The following MYMX variants were observed in gnomAD, a reference collection of about 807,000 sequenced individuals.
MYMX encodes myomixer, myoblast fusion factor.
chr6:44,200,293 T>A, the MYMX span, among the ~76,000 whole-genome samples: 1 of 152,032 alleles, frequency 6.6e-6, no homozygotes, highest in Non-Finnish European at 1.5e-5. Flanking sequence ...TCCACTGGGG[T>A]CTTGCCTAGT....
chr6:44,217,056 AT>A (rs1775914089), intron 1 of MYMX, 88 bp downstream of exon 1: 1 of 136,038 alleles, frequency 7.4e-6, no homozygotes, highest in Non-Finnish European at 1.6e-5. Context: ...CAAAAGAAAA[AT>A]TGAGAATTGC....
the MYMX span, among the ~76,000 whole-genome samples, chr6:44,200,271 A>C: frequency 3.9e-5 from 6 of 152,050 alleles, no homozygotes; most frequent in African/African-American, 1.2e-4. Flanking sequence ...TTCTCCATAA[A>C]AAATTTGTTT....
the MYMX span, among the ~76,000 whole-genome samples, chr6:44,204,591 G>C: frequency 6.6e-6 from 1 of 152,120 alleles, no homozygotes; most frequent in Non-Finnish European, 1.5e-5. Flanking sequence ...AAATTTTCAC[G>C]GGAGAGGGTA....
the MYMX span, among the ~76,000 whole-genome samples, chr6:44,210,972 C>T: frequency 2.1e-4 from 32 of 152,052 alleles, no homozygotes; most frequent in East Asian, 3.5e-3. Context: ...CCAGCCTGGG[C>T]GACAGAGCAA....
At chr6:44,203,169 T>C in the MYMX span, among the ~76,000 whole-genome samples, 42 of 151,872 alleles carry the variant, frequency 2.8e-4, no homozygotes, top group Non-Finnish European at 4.9e-4. Flanking sequence ...CCCTCGAGAC[T>C]CTCTCCAGCT....
the MYMX span, among the ~76,000 whole-genome samples, chr6:44,203,243 G>C: frequency 6.6e-6 from 1 of 152,140 alleles, no homozygotes. Flanking sequence ...TGGAGCCCTG[G>C]AACCCAGCTG....
chr6:44,214,209 TGATTCTG>T (rs753888889), upstream of MYMX, among the ~76,000 whole-genome samples: 2 of 152,210 alleles, frequency 1.3e-5, no homozygotes, highest in Non-Finnish European at 2.9e-5. Flanking sequence ...GATACTTCAA[TGATTCTG>T]GCAAGAGATG....
At chr6:44,208,246 CAA>C in the MYMX span, among the ~76,000 whole-genome samples, 26 of 123,218 alleles carry the variant, frequency 2.1e-4, no homozygotes, top group South Asian at 2.6e-4. Context: ...GATCTTGTCT[CAA>C]AAAAAAAAAA....
the MYMX span, chr6:44,210,070 C>A: frequency 1.3e-5 from 2 of 148,936 alleles, no homozygotes; most frequent in Non-Finnish European, 3.0e-5. Flanking sequence ...CTCAGCCTCC[C>A]GAGTAGCTGG....
rs1320243969 is a variant in MYMX at position 44,217,753 on chromosome 6, T to C, written c.*27T>C. The stretch of plus-strand genomic sequence containing the variant: ...GCCACAAGTCCTGGCAGCAGCTGTA[T>C]CCACAAAATGCTTTCTTTTGGAGTA... On this transcript the variant is annotated 3_prime_UTR_variant, in exon 2 of 2. Coordinates refer to ENST00000573382, the MANE Select transcript of MYMX (RefSeq NM_001315494.2). The C allele has an allele frequency of 5.2e-5, 21 of 400,904 alleles. No homozygotes were observed. Among genetic ancestry groups the C allele is most frequent in the Non-Finnish European group, 8.4e-5 (19 of 226,430 alleles). The allele number at this position is 400,904 out of a possible 1,614,324, so 24.8% of individuals were successfully genotyped here. A position where few individuals can be genotyped will look rare whatever the true frequency, so the allele number is the denominator to read the frequency against.
the MYMX span, among the ~76,000 whole-genome samples, chr6:44,195,948 T>C: frequency 6.6e-6 from 1 of 152,130 alleles, no homozygotes; most frequent in Admixed American, 6.6e-5. Flanking sequence ...GTTTCTTTTT[T>C]TCCTTTTTTT....
the MYMX span, among the ~76,000 whole-genome samples, chr6:44,195,104 C>T: frequency 1.4e-4 from 21 of 152,136 alleles, no homozygotes; most frequent in Middle Eastern, 3.4e-3. Context: ...CAACCTCCTC[C>T]GCCTCTTGGG....
upstream of MYMX, among the ~76,000 whole-genome samples, chr6:44,216,678 AGAG>A: frequency 6.6e-6 from 1 of 150,486 alleles, no homozygotes; most frequent in South Asian, 2.1e-4. Flanking sequence ...AAAAAGAAGA[AGAG>A]AAAGAAAAGA....
At chr6:44,210,904 A>C in the MYMX span, among the ~76,000 whole-genome samples, 1 of 152,150 alleles carries the variant, frequency 6.6e-6, no homozygotes, top group African/African-American at 2.4e-5. Context: ...TGAAGCAGGA[A>C]GATCACGTGA....
chr6:44,217,142 G>T (rs1775920402), intron 1 of MYMX, 174 bp downstream of exon 1: 1 of 276,740 alleles, frequency 3.6e-6, no homozygotes, highest in Non-Finnish European at 6.7e-6. Context: ...TGCAAGAGGA[G>T]GGGGTGACTA....
chr6:44,215,805 G>A (rs1775832038), upstream of MYMX, among the ~76,000 whole-genome samples: 1 of 151,628 alleles, frequency 6.6e-6, no homozygotes, highest in African/African-American at 2.4e-5. Context: ...TGAGGCAGGA[G>A]AATCGCTTGA....
the MYMX span, among the ~76,000 whole-genome samples, chr6:44,209,049 C>T: frequency 3.3e-5 from 5 of 152,182 alleles, no homozygotes; most frequent in African/African-American, 7.2e-5. Context: ...CTGCAACCTC[C>T]GTCTCCAGGG....
upstream of MYMX, among the ~76,000 whole-genome samples, chr6:44,216,673 G>T (rs113599108): frequency 7.6e-6 from 1 of 132,086 alleles, no homozygotes; most frequent in Non-Finnish European, 1.6e-5. Flanking sequence ...AAAAAAAAAA[G>T]AAGAAGAGAA....
At chr6:44,193,922 T>C in the MYMX span, among the ~76,000 whole-genome samples, 1 of 152,052 alleles carries the variant, frequency 6.6e-6, no homozygotes, top group Admixed American at 6.6e-5. Context: ...AGGCAGAGGC[T>C]GCCGTGAACT....
Sources: gnomAD v4.1 joint callset for allele counts (sites outside exome capture counted in the v4.1 genomes callset) on GRCh38, gnomAD v4.1.1 for gene constraint, MANE v1.5 for transcripts, NCBI Gene and HGNC (gene_info 2026-07-23, HGNC 2026-07-21) for gene names.